Variants in FREM2 observed in about 807,000 individuals in gnomAD.
FREM2 encodes FRAS1-related extracellular matrix protein 2.
In FREM2, 119 loss-of-function variants were observed where a neutral mutation model predicts 219.9. The ratio of observed to expected loss-of-function variants is 0.54; its 90% CI spans 0.47 to 0.63. FREM2 has a LOEUF of 0.63. Among genes scored for constraint, FREM2 ranks in the 30% least tolerant of loss-of-function variants. The pLI is 0.00. For missense variants in FREM2, 4,030 were observed against 3,993.6 expected, an observed-to-expected ratio of 1.01 and a Z score of -0.25; for synonymous variants, 1,562 against 1,522.8, an observed-to-expected ratio of 1.03 and a Z score of -0.60.
intron 6 of FREM2, among the ~76,000 whole-genome samples, chr13:38,788,195 CT>C (rs1331144682): frequency 2.0e-5 from 3 of 152,080 alleles, no homozygotes; most frequent in Non-Finnish European, 4.4e-5. Flanking sequence ...ATTTTCAAGT[CT>C]TCAGAAGCTT....
Position 38,690,916 on chromosome 13 carries a change from C to G in FREM2, c.3572C>G (p.Pro1191Arg). 6.2e-7 allele frequency: 1 copy of G among 1,614,014 alleles called. No homozygotes were observed. The highest frequency in any genetic ancestry group is 8.5e-7 in the Non-Finnish European group (1 of 1,179,984). The part of the protein sequence containing the change: ...IVIIPTNDEQ[P>R]EMFMREFMVM... ...ATCATTCCCACCAATGATGAACAGCCAGAGATGTTTATGAGAGAATTTATG... is the reference window on the plus strand; with the variant it reads ...ATCATTCCCACCAATGATGAACAGCGAGAGATGTTTATGAGAGAATTTATG... The change falls in exon 1 of 24, where the codon CCA (proline) becomes CGA (arginine). Residue 1191 changes from proline to arginine, a missense_variant. Transcript: ENST00000280481.
chr13:38,875,103 A>C (rs908547030), intron 18 of FREM2, among the ~76,000 whole-genome samples: 1 of 152,096 alleles, frequency 6.6e-6, no homozygotes, highest in Admixed American at 6.5e-5. Context: ...TGTGCTTTGA[A>C]TATCAACAAG....
chr13:38,755,159 C>G (rs769158221), intron 2 of FREM2, among the ~76,000 whole-genome samples: 2 of 152,028 alleles, frequency 1.3e-5, no homozygotes, highest in South Asian at 2.1e-4. Flanking sequence ...CCTCGGCCCC[C>G]CAAAGTGCTG....
rs1436459379 is a variant in FREM2 at position 38,884,691 on chromosome 13, C to T, written c.*3904C>T. ...GTATGGCCAATAAATGGGACCCAAA[C>T]GTTCAATCTGTTCAGTTTACCAAGG... On this transcript the variant is annotated 3_prime_UTR_variant, in exon 24 of 24. Transcript: ENST00000280481. 1 of 152,034 alleles carries T rather than the reference C, an allele frequency of 6.6e-6. No individual in the cohort carries two copies. Among genetic ancestry groups the T allele is most frequent in the Non-Finnish European group, 1.5e-5 (1 of 67,998 alleles). 9.4% of individuals were successfully genotyped at this position (152,034 alleles called of 1,614,324 possible).
intron 6 of FREM2, among the ~76,000 whole-genome samples, chr13:38,785,976 T>A (rs1419110242): frequency 6.6e-6 from 1 of 152,372 alleles, no homozygotes; most frequent in East Asian, 1.9e-4. Flanking sequence ...TACATAATGA[T>A]GTTTAGACAC....
chr13:38,885,392 C>A lies in FREM2; in HGVS notation c.*4605C>A, dbSNP rs950181666. The A allele has an allele frequency of 6.6e-5, 10 of 152,154 alleles. No homozygotes were observed. Among genetic ancestry groups the A allele is most frequent in the African/African-American group, 2.2e-4 (9 of 41,448 alleles). 9.4% of individuals were successfully genotyped at this position (152,154 alleles called of 1,614,324 possible). ...CCTATCTTTCAAGCACATTTAATTTCTTTCCCCTGGTATTTGTTTGCTTTG... is the reference window on the plus strand; with the variant it reads ...CCTATCTTTCAAGCACATTTAATTTATTTCCCCTGGTATTTGTTTGCTTTG... On this transcript the variant is annotated 3_prime_UTR_variant, in exon 24 of 24. Coordinates refer to ENST00000280481, the MANE Select transcript of FREM2 (RefSeq NM_207361.6).
intron 2 of FREM2, among the ~76,000 whole-genome samples, chr13:38,698,479 C>G (rs1002021460): frequency 2.0e-4 from 30 of 152,124 alleles, no homozygotes; most frequent in African/African-American, 6.8e-4. Flanking sequence ...AGCTTTGGAT[C>G]TCTTGTCTTC....
chr13:38,825,236 T>A (rs1876235108), intron 6 of FREM2, among the ~76,000 whole-genome samples: 1 of 152,128 alleles, frequency 6.6e-6, no homozygotes, highest in African/African-American at 2.4e-5. Flanking sequence ...AAACAAGGGC[T>A]GTGTCTTTAT....
Position 38,692,482 on chromosome 13 carries a change from A to G in FREM2, c.5138A>G (p.Asp1713Gly), listed in dbSNP as rs778728471. Residue 1713 changes from aspartate (D) to glycine (G), a missense_variant, in exon 1 of 24, where the codon GAC becomes GGC. Transcript: ENST00000280481. ...APQHGYLLNL[D>G]KGNHSITQFT... Reference sequence around the variant, plus strand: ...CAACATGGATATCTTCTCAACCTGGACAAAGGCAACCACAGCATCACTCAG... The same window carrying G: ...CAACATGGATATCTTCTCAACCTGGGCAAAGGCAACCACAGCATCACTCAG... 13 of 1,612,822 alleles carry G rather than the reference A, an allele frequency of 8.1e-6. No individual in the cohort carries two copies. In the South Asian group the frequency reaches 1.2e-4, roughly 15 times the overall value.
In FREM2 at chr13:38,764,455, GT is replaced by G; in HGVS notation, c.5410+8del. 1 of 1,482,294 alleles carries G rather than the reference GT, an allele frequency of 6.7e-7. No individual in the cohort carries two copies. The highest frequency in any genetic ancestry group is 9.3e-7 in the Non-Finnish European group (1 of 1,075,856). The allele number at this position is 1,482,294 out of a possible 1,614,324, so 91.8% of individuals were successfully genotyped here. ...TGGGAGAAACTTCTTTTATAAGTAA[GT>G]TTAATTTTTTATTTCTGTTTTAAAA... On this transcript the variant is annotated splice_donor_region_variant and intron_variant, in intron 3 of 23. Coordinates refer to ENST00000280481, the MANE Select transcript of FREM2 (RefSeq NM_207361.6).
intron 6 of FREM2, among the ~76,000 whole-genome samples, chr13:38,846,189 A>G (rs902628374): frequency 2.0e-5 from 3 of 151,948 alleles, no homozygotes; most frequent in African/African-American, 7.3e-5. Flanking sequence ...CTTGGTAAGA[A>G]ATAATAAAAT....
chr13:38,795,630 A>G (rs1022760614), intron 6 of FREM2, among the ~76,000 whole-genome samples: 7 of 152,126 alleles, frequency 4.6e-5, no homozygotes, highest in South Asian at 2.1e-4. Flanking sequence ...GAAATATACA[A>G]TACATCATTG....
chr13:38,819,024 A>C (rs1349178049), intron 6 of FREM2, among the ~76,000 whole-genome samples: 3 of 152,172 alleles, frequency 2.0e-5, no homozygotes, highest in Non-Finnish European at 4.4e-5. Flanking sequence ...ATCAAGTTGC[A>C]CCTCATAAAT....
intron 7 of FREM2, 44 bp downstream of exon 7, chr13:38,846,766 T>A (rs746619767): frequency 1.2e-6 from 2 of 1,602,410 alleles, no homozygotes; most frequent in East Asian, 4.5e-5. Flanking sequence ...TCTGCAATTT[T>A]CAATGACCAT....
intron 2 of FREM2, among the ~76,000 whole-genome samples, chr13:38,730,414 C>T (rs11843222): frequency 0.028 from 4,225 of 152,240 alleles, 222 homozygotes; most frequent in African/African-American, 0.096. Context: ...ACAGGGAAGG[C>T]GAACATGGCA....
chr13:38,837,775 G>GTTTTTTTTT (rs1555270912), intron 6 of FREM2, among the ~76,000 whole-genome samples: 11 of 128,902 alleles, frequency 8.5e-5, no homozygotes, highest in South Asian at 2.6e-4. Flanking sequence ...GTTTTTTTTT[G>GTTTTTTTTT]TTTTGTTTTG....
chr13:38,747,395 ATGTGTG>A (rs71917471), intron 2 of FREM2, among the ~76,000 whole-genome samples: 109 of 142,990 alleles, frequency 7.6e-4, no homozygotes, highest in East Asian at 3.4e-3. Context: ...CTGATATAAT[ATGTGTG>A]TGTGTGTGTG....
At chr13:38,857,215 C>T (rs926991838) in intron 12 of FREM2, among the ~76,000 whole-genome samples, 10 of 152,090 alleles carry the variant, frequency 6.6e-5, no homozygotes, top group Non-Finnish European at 1.5e-4. Flanking sequence ...AAAATATACA[C>T]GTAAAGATAG....
chr13:38,696,832 G>C (rs1285285980), intron 1 of FREM2, among the ~76,000 whole-genome samples: 1 of 147,960 alleles, frequency 6.8e-6, no homozygotes, highest in African/African-American at 2.5e-5. Flanking sequence ...TTTTGAGACA[G>C]GGTCTCATTC....
Sources: allele counts gnomAD v4.1 joint callset (sites outside exome capture counted in the v4.1 genomes callset), GRCh38; gene constraint gnomAD v4.1.1; transcripts MANE v1.5; gene names NCBI Gene and HGNC (gene_info 2026-07-23, HGNC 2026-07-21).